PHF14: variants seen among roughly 807,000 people sequenced by gnomAD.
The protein encoded by PHF14 is PHD finger protein 14.
PHF14 carries 55 observed loss-of-function variants against 117.9 expected under a neutral mutation model. The ratio of observed to expected loss-of-function variants is 0.47; its 90% CI spans 0.38 to 0.58. PHF14 has a LOEUF of 0.58. PHF14 is among the 20% of genes least tolerant of loss of function. PHF14 has a pLI of 0.00. For missense variants in PHF14, 978 were observed against 1,122.2 expected, an observed-to-expected ratio of 0.87 and a Z score of 1.84; for synonymous variants, 409 against 368.6, an observed-to-expected ratio of 1.11 and a Z score of -1.26.
intron 16 of PHF14, chr7:11,109,849 C>T (rs1787385490): frequency 6.6e-6 from 1 of 151,886 alleles, no homozygotes; most frequent in Non-Finnish European, 1.5e-5. Context: ...GTAGCTAGAA[C>T]TGTCATAGTA....
chr7:11,104,634 GA>G (rs1268485132), intron 16 of PHF14: 16 of 982,606 alleles, frequency 1.6e-5, no homozygotes, highest in Admixed American at 6.2e-5. Context: ...AATACAGGAA[GA>G]ATGACATAAT....
intron 17 of PHF14, among the ~76,000 whole-genome samples, chr7:11,120,460 C>T (rs1369815948): frequency 6.6e-6 from 1 of 152,032 alleles, no homozygotes; most frequent in African/African-American, 2.4e-5. Flanking sequence ...CCTTCACACA[C>T]ATCAAATGAA....
intron 17 of PHF14, among the ~76,000 whole-genome samples, chr7:11,124,163 GA>G (rs1055324375): frequency 8.6e-5 from 13 of 151,836 alleles, no homozygotes; most frequent in South Asian, 2.1e-4. Flanking sequence ...TTGAATATTG[GA>G]AAAAAATTTT....
rs747467173 is a variant in PHF14, at chr7:11,122,352, T to TACACAC, written c.2772+10913_2772+10918dup. The stretch of plus-strand genomic sequence containing the variant: ...CTTTTTATATATATATATATATATA[T>TACACAC]ACACACACACACACACACACACACA... On this transcript the variant is annotated intron_variant, in intron 17 of 17. Coordinates refer to ENST00000634607, the MANE Select transcript of PHF14 (RefSeq NM_001007157.2). Among the ~76,000 whole-genome samples the TACACAC allele has an allele frequency of 1.4e-3, 95 of 65,706 alleles. 1 individual carries two copies. Among genetic ancestry groups the TACACAC allele is most frequent in the East Asian group, 5.9e-3 (10 of 1,702 alleles). The allele number at this position is 65,706 out of a possible 152,430, so 43.1% of individuals were successfully genotyped here.
chr7:11,153,513 A>G (rs1368782198), intron 17 of PHF14, among the ~76,000 whole-genome samples: 2 of 152,062 alleles, frequency 1.3e-5, no homozygotes. Context: ...AGTTTAAAGC[A>G]TGGTATAGAT....
At chr7:11,059,287 A>G (rs1275487760) in intron 14 of PHF14, among the ~76,000 whole-genome samples, 1 of 152,242 alleles carries the variant, frequency 6.6e-6, no homozygotes, top group Non-Finnish European at 1.5e-5. Flanking sequence ...TTGCAGCATT[A>G]AAATACATAC....
intron 5 of PHF14, among the ~76,000 whole-genome samples, chr7:11,022,295 T>C (rs558458438): frequency 6.6e-6 from 1 of 152,300 alleles, no homozygotes; most frequent in East Asian, 1.9e-4. Flanking sequence ...GTGAATTGCT[T>C]ATTCTGTACC....
intron 17 of PHF14, among the ~76,000 whole-genome samples, chr7:11,126,629 C>G (rs939555858): frequency 6.6e-6 from 1 of 151,594 alleles, no homozygotes; most frequent in South Asian, 2.1e-4. Context: ...TTCACATTTC[C>G]AAGCAGTATT....
intron 14 of PHF14, among the ~76,000 whole-genome samples, chr7:11,059,238 T>C (rs746610634): frequency 1.3e-5 from 2 of 152,146 alleles, no homozygotes. Context: ...ATTATCAAAA[T>C]GGTAAATAAA....
chr7:11,135,801 A>C (rs1788204993), intron 17 of PHF14, among the ~76,000 whole-genome samples: 1 of 152,158 alleles, frequency 6.6e-6, no homozygotes, highest in Admixed American at 6.6e-5. Flanking sequence ...GGGGTAATAA[A>C]ATGACAGCAC....
At chr7:11,115,402 G>C (rs1311913575) in intron 17 of PHF14, among the ~76,000 whole-genome samples, 1 of 151,956 alleles carries the variant, frequency 6.6e-6, no homozygotes, top group Admixed American at 6.6e-5. Context: ...TTTCATGTTT[G>C]AGTCTATTTT....
chr7:11,108,191 G>A (rs999528809), intron 16 of PHF14: 4 of 151,666 alleles, frequency 2.6e-5, no homozygotes, highest in Non-Finnish European at 5.9e-5. Flanking sequence ...TCTGTGATTA[G>A]CACATAGAGC....
chr7:11,035,243 A>G (rs939251333), intron 7 of PHF14, among the ~76,000 whole-genome samples: 1 of 152,162 alleles, frequency 6.6e-6, no homozygotes, highest in African/African-American at 2.4e-5. Flanking sequence ...GGGAGAATGC[A>G]TGTAAACTAG....
intron 17 of PHF14, among the ~76,000 whole-genome samples, chr7:11,131,125 A>C (rs1201460103): frequency 6.6e-6 from 1 of 151,896 alleles, no homozygotes; most frequent in East Asian, 1.9e-4. Flanking sequence ...GGCAGTTATG[A>C]ATAACGCTAC....
chr7:11,055,636 G>A (rs751245340), intron 14 of PHF14, among the ~76,000 whole-genome samples: 14 of 152,066 alleles, frequency 9.2e-5, no homozygotes, highest in Non-Finnish European at 1.8e-4. Context: ...ACATCTAATC[G>A]TTTTTCCATC....
At position 11,013,733 on chromosome 7, in the gene PHF14, T is replaced by C; in HGVS notation, c.1046-14T>C. ...ATAAACCCTATTTAATCATAGTGTT[T>C]TTGTTTTTTTTAGGTTGTTATGGAG... On this transcript the variant is annotated splice_polypyrimidine_tract_variant and intron_variant, in intron 4 of 17. Coordinates refer to ENST00000634607, the MANE Select transcript of PHF14 (RefSeq NM_001007157.2). The C allele has an allele frequency of 6.8e-7, 1 of 1,465,708 alleles. No homozygotes were observed. The highest frequency in any genetic ancestry group is 9.3e-7 in the Non-Finnish European group (1 of 1,076,088). The allele number at this position is 1,465,708 out of a possible 1,614,324, so 90.8% of individuals were successfully genotyped here.
intron 2 of PHF14, among the ~76,000 whole-genome samples, chr7:10,981,130 A>G (rs1252514891): frequency 2.0e-5 from 3 of 152,212 alleles, no homozygotes; most frequent in African/African-American, 4.8e-5. Flanking sequence ...TAGATACCAG[A>G]TACTAATTAC....
At chr7:11,015,517 A>C (rs1562421095) in intron 5 of PHF14, among the ~76,000 whole-genome samples, 1 of 152,150 alleles carries the variant, frequency 6.6e-6, no homozygotes, top group Non-Finnish European at 1.5e-5. Flanking sequence ...TAGGGAGTTT[A>C]GTAAGCATTA....
At chr7:11,051,241 C>T (rs79752602) in intron 13 of PHF14, among the ~76,000 whole-genome samples, 1 of 151,758 alleles carries the variant, frequency 6.6e-6, no homozygotes, top group African/African-American at 2.4e-5. Flanking sequence ...CAGTCTCTCA[C>T]TATGTTGTGA....
Sources: gnomAD v4.1 joint callset for allele counts (sites outside exome capture counted in the v4.1 genomes callset) on GRCh38, gnomAD v4.1.1 for gene constraint, MANE v1.5 for transcripts, NCBI Gene and HGNC (gene_info 2026-07-23, HGNC 2026-07-21) for gene names.